Variants in EGLN1 observed in about 807,000 individuals in gnomAD.
The protein encoded by EGLN1 is egl nine homolog 1.
EGLN1 carries 17 observed loss-of-function variants against 38.3 expected under a neutral mutation model. The observed-to-expected ratio is 0.44, with a 90% confidence interval of 0.30 to 0.67. The LOEUF is 0.67. EGLN1 is among the 30% of genes least tolerant of loss of function. EGLN1 has a pLI of 0.08. For synonymous variants in EGLN1, 283 were observed against 257.5 expected (o/e 1.10, Z -0.95); for missense variants, 477 against 603.3 (o/e 0.79, Z 2.19).
rs1277409891 is a variant in EGLN1, at chr1:231,422,050, G to A, written c.-162C>T. The A allele has an allele frequency of 4.2e-6, 3 of 713,710 alleles. No homozygotes were observed. The highest frequency in any genetic ancestry group is 5.9e-6 in the Non-Finnish European group (3 of 504,230). The allele number at this position is 713,710 out of a possible 1,614,324, so 44.2% of individuals were successfully genotyped here. On this transcript the variant is annotated 5_prime_UTR_variant, in exon 1 of 5. Transcript: ENST00000366641. ...AGGGAGGCCGGCACCCCACGCCCTCGGCCCGGCCGCTTCCGAGTCCTAAGC... is the reference window on the plus strand; with the variant it reads ...AGGGAGGCCGGCACCCCACGCCCTCAGCCCGGCCGCTTCCGAGTCCTAAGC...
intron 1 of EGLN1, among the ~76,000 whole-genome samples, chr1:231,401,822 C>T (rs951267152): frequency 1.3e-5 from 2 of 152,062 alleles, no homozygotes; most frequent in Non-Finnish European, 2.9e-5. Flanking sequence ...TTGATAGATA[C>T]TTAGGAGTGG....
At chr1:231,415,316 T>C in intron 1 of EGLN1, among the ~76,000 whole-genome samples, 1 of 150,130 alleles carries the variant, frequency 6.7e-6, no homozygotes, top group Non-Finnish European at 1.5e-5. Flanking sequence ...ATTAGTTAAG[T>C]AGAAATATGT....
chr1:231,374,966 T>C (rs1687921675), intron 1 of EGLN1, among the ~76,000 whole-genome samples: 1 of 152,240 alleles, frequency 6.6e-6, no homozygotes, highest in African/African-American at 2.4e-5. Flanking sequence ...TAGGTGTACA[T>C]GATAATTAAC....
chr1:231,390,815 C>T (rs575729694), intron 1 of EGLN1, among the ~76,000 whole-genome samples: 18 of 151,950 alleles, frequency 1.2e-4, no homozygotes, highest in African/African-American at 3.1e-4. Context: ...AGATCTTAGA[C>T]GCTATCATTT....
At position 231,393,697 on chromosome 1, in the gene EGLN1, C is replaced by G. The variant is rs147632945; in HGVS notation, c.892-19598G>C. On this transcript the variant is annotated intron_variant, in intron 1 of 4. Transcript: ENST00000366641. ...AAACAGCCATCTTTACCTACATACT[C>G]TCCTATCCAACCTCAAATTCAACAT... Among the ~76,000 whole-genome samples the G allele has an allele frequency of 8.0e-4, 122 of 152,260 alleles. 1 individual carries two copies. The East Asian group carries it at 0.022, about 28-fold the overall frequency.
Position 231,370,663 on chromosome 1 carries a change from G to T in EGLN1, c.1047C>A (p.Gly349=). 1 of 1,614,090 alleles carries T rather than the reference G, an allele frequency of 6.2e-7. No individual in the cohort carries two copies. Among genetic ancestry groups the T allele is most frequent in the Non-Finnish European group, 8.5e-7 (1 of 1,180,014 alleles). ...SGGILRIFPE[G]KAQFADIEPK... ...GTTCAATGTCAGCAAACTGGGCTTTGCCTTCTGGAAAAATTCGAAGTATAC... is the reference window on the plus strand; with the variant it reads ...GTTCAATGTCAGCAAACTGGGCTTTTCCTTCTGGAAAAATTCGAAGTATAC... The change falls in exon 3 of 5, where the codon GGC becomes GGA. Residue 349 remains glycine, a synonymous_variant. Coordinates refer to ENST00000366641, the MANE Select transcript of EGLN1 (RefSeq NM_022051.3).
At position 231,421,690 on chromosome 1, in the gene EGLN1, G is replaced by A. The variant is rs1656622908; in HGVS notation, c.199C>T (p.His67Tyr). 3 of 1,510,082 alleles carry A rather than the reference G, an allele frequency of 2.0e-6. No homozygotes were observed. Among genetic ancestry groups the A allele is most frequent in the African/African-American group, 1.4e-5 (1 of 69,806 alleles). The allele number at this position is 1,510,082 out of a possible 1,614,324, so 93.5% of individuals were successfully genotyped here. Reference sequence around the variant, plus strand: ...GAATGCTGGTGTGGGCCCACTCCGTGGCCGAGGGCGCCCTCGCTGCCCTGG... The same window carrying A: ...GAATGCTGGTGTGGGCCCACTCCGTAGCCGAGGGCGCCCTCGCTGCCCTGG... ...VCQGSEGALG[H>Y]GVGPHQHSGP... Residue 67 changes from histidine (H) to tyrosine (Y), a missense_variant, in exon 1 of 5, where the codon CAC becomes TAC. His to Tyr is a moderately conservative substitution (Grantham distance 83). Coordinates refer to ENST00000366641, the MANE Select transcript of EGLN1 (RefSeq NM_022051.3). This position sits in a 1 kb window ranked among gnomAD's most constrained non-coding sequence, Gnocchi z 5.5.
In EGLN1 at chr1:231,365,836, T is replaced by A. The variant is rs373743992; in HGVS notation, c.*575A>T. 3.4e-4 allele frequency: 52 copies of A among 154,226 alleles called. No individual in the cohort carries two copies. The South Asian group carries it at 5.3e-3, about 16-fold the overall frequency. 9.6% of individuals were successfully genotyped at this position (154,226 alleles called of 1,614,324 possible). On this transcript the variant is annotated 3_prime_UTR_variant, in exon 5 of 5. Coordinates refer to ENST00000366641, the MANE Select transcript of EGLN1 (RefSeq NM_022051.3). ...CTACAAAACAATCTGATTTTTCAGTTGTAATTAAAGTGCTCCTTTTCTTAT... is the reference window on the plus strand; with the variant it reads ...CTACAAAACAATCTGATTTTTCAGTAGTAATTAAAGTGCTCCTTTTCTTAT...
chr1:231,366,273 C>T lies in EGLN1; in HGVS notation c.*138G>A. On this transcript the variant is annotated 3_prime_UTR_variant, in exon 5 of 5. Coordinates refer to ENST00000366641, the MANE Select transcript of EGLN1 (RefSeq NM_022051.3). The stretch of plus-strand genomic sequence containing the variant: ...AGTCAAAATCTTCTGTTTGATGCAA[C>T]ACAAAAAGTTGTTTCTGTTTCCTTA... The T allele has an allele frequency of 5.6e-6, 5 of 891,932 alleles. No individual in the cohort carries two copies. The East Asian group carries it at 1.0e-4, about 18-fold the overall frequency. The allele number at this position is 891,932 out of a possible 1,614,324, so 55.3% of individuals were successfully genotyped here. A position where few individuals can be genotyped will look rare whatever the true frequency, so the allele number is the denominator to read the frequency against.
At chr1:231,367,745 G>T in intron 3 of EGLN1, 109 bp from the exon 4 acceptor site, 1 of 891,944 alleles carries the variant, frequency 1.1e-6, no homozygotes, top group Non-Finnish European at 1.8e-6. Context: ...TGCCTAAACT[G>T]GAATGATATC....
chr1:231,407,455 T>A (rs1688827552), intron 1 of EGLN1, among the ~76,000 whole-genome samples: 1 of 152,186 alleles, frequency 6.6e-6, no homozygotes, highest in African/African-American at 2.4e-5. Flanking sequence ...AAAATTTTGC[T>A]CTTGAAAATT....
At chr1:231,379,118 T>C (rs1284723914) in intron 1 of EGLN1, among the ~76,000 whole-genome samples, 1 of 152,196 alleles carries the variant, frequency 6.6e-6, no homozygotes. Context: ...AGGCAGGATA[T>C]GAACTGAGGC....
chr1:231,393,382 G>C (rs1382589617), intron 1 of EGLN1, among the ~76,000 whole-genome samples: 1 of 152,208 alleles, frequency 6.6e-6, no homozygotes, highest in Non-Finnish European at 1.5e-5. Context: ...CTAAAATATA[G>C]TAGAGCTTAG....
chr1:231,401,851 T>C (rs1397425733), intron 1 of EGLN1, among the ~76,000 whole-genome samples: 2 of 152,216 alleles, frequency 1.3e-5, no homozygotes, highest in Non-Finnish European at 2.9e-5. Flanking sequence ...GGTCATATGA[T>C]AAATTTATAC....
intron 1 of EGLN1, among the ~76,000 whole-genome samples, chr1:231,399,853 GA>G (rs1358467659): frequency 2.0e-5 from 3 of 152,066 alleles, no homozygotes; most frequent in East Asian, 3.9e-4. Flanking sequence ...TGGTTAAGGA[GA>G]AAAACACAGG....
chr1:231,406,694 G>A (rs763040594), intron 1 of EGLN1, among the ~76,000 whole-genome samples: 12 of 151,910 alleles, frequency 7.9e-5, no homozygotes, highest in East Asian at 5.8e-4. Context: ...GAACTCTAAC[G>A]GGGTTTTTAA....
chr1:231,403,215 G>A (rs1011753539), intron 1 of EGLN1, among the ~76,000 whole-genome samples: 8 of 152,240 alleles, frequency 5.3e-5, no homozygotes, highest in African/African-American at 1.2e-4. Context: ...ATTTTATGCT[G>A]TTAATGCAAG....
At chr1:231,382,156 G>T (rs1203819350) in intron 1 of EGLN1, among the ~76,000 whole-genome samples, 1 of 152,178 alleles carries the variant, frequency 6.6e-6, no homozygotes, top group Non-Finnish European at 1.5e-5. Flanking sequence ...ACTTCTTGAG[G>T]CTCACTGAGC....
intron 1 of EGLN1, among the ~76,000 whole-genome samples, chr1:231,381,969 C>G (rs1446104575): frequency 6.6e-6 from 1 of 152,216 alleles, no homozygotes; most frequent in Non-Finnish European, 1.5e-5. Context: ...ATTATACAAC[C>G]TCATTCTAGC....
Sources: allele counts gnomAD v4.1 joint callset (sites outside exome capture counted in the v4.1 genomes callset), GRCh38; gene constraint gnomAD v4.1.1; non-coding constraint Gnocchi (gnomAD v3.1); transcripts MANE v1.5; gene names NCBI Gene and HGNC (gene_info 2026-07-23, HGNC 2026-07-21).